HK3: variants seen among roughly 807,000 people sequenced by gnomAD.
HK3 encodes the protein hexokinase-3.
In HK3, 93 loss-of-function variants were observed where a neutral mutation model predicts 91.0. That is an observed-to-expected ratio of 1.02 (90% CI 0.86 to 1.21). HK3 has a LOEUF of 1.21. Among genes scored for constraint, HK3 ranks in the 50% most tolerant of loss-of-function variants. The pLI, the probability that HK3 is intolerant of heterozygous loss-of-function variation, is 0.00. For synonymous variants in HK3, 519 were observed against 516.9 expected, an observed-to-expected ratio of 1.00 and a Z score of -0.06; for missense variants, 1,235 against 1,247.4, an observed-to-expected ratio of 0.99 and a Z score of 0.15.
chr5:176,889,002 C>G, intron 8 of HK3, 138 bp from the exon 9 acceptor site: 1 of 953,648 alleles, frequency 1.0e-6, no homozygotes, highest in Non-Finnish European at 1.5e-6. Context: ...CGAATAGCCT[C>G]CCAGAGGACA....
Position 176,887,017 on chromosome 5 carries a change from C to T in HK3, c.1842G>A (p.Gln614=), listed in dbSNP as rs536496210. ...CCTCCCTCACCTGGTCTAGGCCAAG[C>T]TGCCTACATGGGAAGGAGAAGGTAA... ...LGFTFSFPCR[Q]LGLDQGILLN... is the part of the protein sequence containing the mutation. Residue 614 remains glutamine, a synonymous_variant, in exon 13 of 19, where the codon CAG becomes CAA. Transcript: ENST00000292432. The surrounding 1 kb of genome is among the most constrained non-coding windows in gnomAD (Gnocchi z 4.9). 1.7e-5 allele frequency: 27 copies of T among 1,614,164 alleles called. No homozygotes were observed. In the Admixed American group the frequency reaches 3.5e-4, roughly 21 times the overall value.
At chr5:176,883,982 C>A (rs1174054615) in intron 14 of HK3, 57 bp downstream of exon 14, 1 of 1,591,272 alleles carries the variant, frequency 6.3e-7, no homozygotes, top group Non-Finnish European at 8.6e-7. Flanking sequence ...GTAGGAGACT[C>A]TTTGCTCCCC....
Position 176,891,148 on chromosome 5 carries a change from G to A in HK3, c.303C>T (p.Ala101=), listed in dbSNP as rs1291948479. ...GAGTCACCCACAAAACACGCAGTGAGGCCCCTGTGGCCCCCAGCTCCAGCA... is the reference window on the plus strand; with the variant it reads ...GAGTCACCCACAAAACACGCAGTGAAGCCCCTGTGGCCCCCAGCTCCAGCA... The part of the protein sequence containing the change: ...FVVLELGATG[A]SLRVLWVTLT... The change falls in exon 4 of 19, where the codon GCC becomes GCT. Residue 101 remains alanine (A), a synonymous_variant. Transcript: ENST00000292432. 6.2e-7 allele frequency: 1 copy of A among 1,614,142 alleles called. No individual in the cohort carries two copies. Among genetic ancestry groups the A allele is most frequent in the Non-Finnish European group, 8.5e-7 (1 of 1,180,044 alleles).
chr5:176,887,079 T>C lies in HK3; in HGVS notation c.1780A>G (p.Lys594Glu). 1 of 1,614,178 alleles carries C rather than the reference T, an allele frequency of 6.2e-7. No individual in the cohort carries two copies. Among genetic ancestry groups the C allele is most frequent in the East Asian group, 2.2e-5 (1 of 44,882 alleles). The change falls in exon 13 of 19, where the codon AAG becomes GAG. Residue 594 changes from lysine (K) to glutamate (E), a missense_variant. This residue lies in a region of HK3 where 513 missense variants were observed against 477.4 expected (regional missense o/e 1.07). Coordinates refer to ENST00000292432, the MANE Select transcript of HK3 (RefSeq NM_002115.3). This position sits in a 1 kb window ranked among gnomAD's most constrained non-coding sequence, Gnocchi z 4.9. ...IVDCIVDFQQKQGLSGQSLPL... is the reference protein window; with the variant it reads ...IVDCIVDFQQEQGLSGQSLPL... The stretch of plus-strand genomic sequence containing the variant: ...AGGCTCTGCCCGCTCAGGCCCTGCT[T>C]CTGCTGGAAGTCCACGATGCAGTCC...
At position 176,881,781 on chromosome 5, in the gene HK3, G is replaced by C. The variant is rs375199081; in HGVS notation, c.2304C>G (p.Thr768=). Residue 768 remains threonine, a synonymous_variant, in exon 17 of 19, where the codon ACC becomes ACG. Coordinates refer to ENST00000292432, the MANE Select transcript of HK3 (RefSeq NM_002115.3). ...EIVRHILLHL[T]SLGVLFRGQQ... is the part of the protein sequence containing the mutation. ...GGCCCCGGAAGAGAACGCCAAGGCT[G>C]GTTAAATGTAAAAGGATGTGGCGGA... 140 of 1,614,070 alleles carry C rather than the reference G, an allele frequency of 8.7e-5. No homozygotes were observed. The highest frequency in any genetic ancestry group is 1.1e-4 in the Non-Finnish European group (131 of 1,180,040).
chr5:176,893,726 G>A (rs1174031884), intron 2 of HK3, among the ~76,000 whole-genome samples: 1 of 152,142 alleles, frequency 6.6e-6, no homozygotes, highest in African/African-American at 2.4e-5. Flanking sequence ...TTCCTCTTGG[G>A]CATATTGAGA....
In HK3 at chr5:176,890,722, G is replaced by C. The variant is rs1758741749; in HGVS notation, c.543C>G (p.Leu181=). 6.2e-7 allele frequency: 1 copy of C among 1,614,222 alleles called. No homozygotes were observed. The highest frequency in any genetic ancestry group is 2.2e-5 in the East Asian group (1 of 44,884). The change falls in exon 6 of 19, where the codon CTC becomes CTG. Residue 181 remains leucine (L), a synonymous_variant. Transcript: ENST00000292432. ...CHQTGLDRST[L]ISWTKGFRCS... ...ACCTAAAACCTTTGGTCCAGGAAAT[G>C]AGGGTGCTCTGGAGGTAGAGAAGCT...
In HK3 at chr5:176,887,094, C is replaced by T. The variant is rs761948004; in HGVS notation, c.1765G>A (p.Val589Met). ...QLFDHIVDCI[V>M]DFQQKQGLSG... ...AGGCCCTGCTTCTGCTGGAAGTCCACGATGCAGTCCACGATGTGGTCAAAG... is the reference window on the plus strand; with the variant it reads ...AGGCCCTGCTTCTGCTGGAAGTCCATGATGCAGTCCACGATGTGGTCAAAG... The change falls in exon 13 of 19, where the codon GTG becomes ATG. Residue 589 changes from valine (V) to methionine (M), a missense_variant. Val to Met is a conservative substitution (Grantham distance 21). Around this residue, in one of 3 missense-constraint regions of HK3, gnomAD observed 513 missense variants for 477.4 expected, o/e 1.07. Coordinates refer to ENST00000292432, the MANE Select transcript of HK3 (RefSeq NM_002115.3). This position sits in a 1 kb window ranked among gnomAD's most constrained non-coding sequence, Gnocchi z 4.9. 13 of 1,613,868 alleles carry T rather than the reference C, an allele frequency of 8.1e-6. No homozygotes were observed. Among genetic ancestry groups the T allele is most frequent in the East Asian group, 2.2e-5 (1 of 44,894 alleles).
Position 176,888,578 on chromosome 5 carries a change from G to A in HK3, c.1071-13C>T. The A allele has an allele frequency of 6.3e-7, 1 of 1,583,748 alleles. No individual in the cohort carries two copies. ...CCCAGTAGAGGGGCTGGAGGGGAAA[G>A]GGAAGTGGTTTGGGGCTCAGCCCAG... On this transcript the variant is annotated splice_polypyrimidine_tract_variant and intron_variant, in intron 9 of 18. Transcript: ENST00000292432.
At chr5:176,896,297 G>C in intron 1 of HK3, 112 bp from the exon 2 acceptor site, 1 of 506,038 alleles carries the variant, frequency 2.0e-6, no homozygotes, top group Non-Finnish European at 3.5e-6. Context: ...GAAGCTGGGA[G>C]CAGAATTCAG....
chr5:176,888,908 T>G lies in HK3; in HGVS notation c.915-44A>C, dbSNP rs748539815. On this transcript the variant is annotated intron_variant, in intron 8 of 18. Coordinates refer to ENST00000292432, the MANE Select transcript of HK3 (RefSeq NM_002115.3). ...GCTGGAGGAAGCCTTTTCTAAGCCCTCAGTCCACCTGGCCCTACCTCCAAG... is the reference window on the plus strand; with the variant it reads ...GCTGGAGGAAGCCTTTTCTAAGCCCGCAGTCCACCTGGCCCTACCTCCAAG... 2.5e-6 allele frequency: 4 copies of G among 1,595,300 alleles called. No individual in the cohort carries two copies. In the East Asian group the frequency reaches 9.0e-5, roughly 36 times the overall value.
At chr5:176,894,550 C>T (rs1758859503) in intron 2 of HK3, among the ~76,000 whole-genome samples, 1 of 152,152 alleles carries the variant, frequency 6.6e-6, no homozygotes. Context: ...ACCGCTGTCA[C>T]TCCTGAGGCA....
intron 8 of HK3, 85 bp downstream of exon 8, chr5:176,889,296 C>T: frequency 1.4e-6 from 2 of 1,449,466 alleles, no homozygotes; most frequent in Non-Finnish European, 1.9e-6. Context: ...GCCTAAGGGC[C>T]TGAGAACAGG....
Position 176,887,441 on chromosome 5 carries a change from A to C in HK3, c.1600+10T>G. On this transcript the variant is annotated intron_variant, in intron 11 of 18. Transcript: ENST00000292432. The surrounding 1 kb of genome is among the most constrained non-coding windows in gnomAD (Gnocchi z 4.9). ...CATGTTTCGGTCCCACACTCAGGCC[A>C]GGTCCTTACCGCTGCCGTCAGGGGT... 1 of 1,612,512 alleles carries C rather than the reference A, an allele frequency of 6.2e-7. No individual in the cohort carries two copies. The highest frequency in any genetic ancestry group is 2.2e-5 in the East Asian group (1 of 44,828).
In HK3 at chr5:176,888,794, A is replaced by T. The variant is rs201215412; in HGVS notation, c.985T>A (p.Cys329Ser). The change falls in exon 9 of 19, where the codon TGT (cysteine) becomes AGT (serine). Residue 329 changes from cysteine to serine, a missense_variant. This residue lies in a region of HK3 where 717 missense variants were observed against 751.6 expected (regional missense o/e 0.95). Coordinates refer to ENST00000292432, the MANE Select transcript of HK3 (RefSeq NM_002115.3). ...VRLVLAHLAR[C>S]GVLFGGCTSP... ...GTGCAGCCACCAAAGAGGACCCCAC[A>T]CCGGGCCAAGTGAGCCAGCACCAGC... is the stretch of plus-strand genomic sequence containing the variant. The T allele has an allele frequency of 8.7e-6, 14 of 1,613,892 alleles. No individual in the cohort carries two copies. The African/African-American group carries it at 1.7e-4, about 20-fold the overall frequency.
chr5:176,881,980 C>G lies in HK3; in HGVS notation c.2201G>C (p.Ser734Thr), dbSNP rs1416388136. 1 of 1,613,648 alleles carries G rather than the reference C, an allele frequency of 6.2e-7. No homozygotes were observed. The highest frequency in any genetic ancestry group is 1.1e-5 in the South Asian group (1 of 91,090). ...LAMLSTRFDA[S>T]VDQASINPGK... ...GGGGTTGATGGACGCCTGGTCCACA[C>G]TTGCATCAAAGCGGGTGCTGAGCAT... The change falls in exon 16 of 19, where the codon AGT becomes ACT. Residue 734 changes from serine (S) to threonine (T), a missense_variant. Ser to Thr is a moderately conservative substitution (Grantham distance 58, BLOSUM62 1). Coordinates refer to ENST00000292432, the MANE Select transcript of HK3 (RefSeq NM_002115.3).
intron 14 of HK3, 39 bp from the exon 15 acceptor site, chr5:176,883,908 G>A (rs200692931): frequency 1.9e-4 from 307 of 1,603,090 alleles, no homozygotes; most frequent in East Asian, 4.2e-4. Context: ...TGGGCAACGC[G>A]GTCGTCACAG....
rs772106759 is a variant in HK3, at chr5:176,889,357, G to C, written c.914+24C>G. On this transcript the variant is annotated intron_variant, in intron 8 of 18. Transcript: ENST00000292432. Reference sequence around the variant, plus strand: ...GTCATAGACAGGGCCTGGAACCAAAGGTCAGGGCCCCCTGCCAGGTCACCT... The same window carrying C: ...GTCATAGACAGGGCCTGGAACCAAACGTCAGGGCCCCCTGCCAGGTCACCT... The C allele has an allele frequency of 1.9e-6, 3 of 1,609,056 alleles. No individual in the cohort carries two copies. In the South Asian group the frequency reaches 3.3e-5, roughly 18 times the overall value.
intron 1 of HK3, among the ~76,000 whole-genome samples, chr5:176,897,381 C>G (rs1399642710): frequency 6.6e-6 from 1 of 152,144 alleles, no homozygotes; most frequent in East Asian, 1.9e-4. Context: ...AAGGGAAACA[C>G]AGCAGAGGGC....
Sources: allele counts gnomAD v4.1 joint callset (sites outside exome capture counted in the v4.1 genomes callset), GRCh38; gene constraint gnomAD v4.1.1; regional missense constraint gnomAD v4.1.1; non-coding constraint Gnocchi (gnomAD v3.1); transcripts MANE v1.5; gene names NCBI Gene and HGNC (gene_info 2026-07-23, HGNC 2026-07-21).